ADAM18: variants seen among roughly 807,000 people sequenced by gnomAD.
ADAM18 encodes disintegrin and metalloproteinase domain-containing protein 18.
In ADAM18, 117 loss-of-function variants were observed where a neutral mutation model predicts 94.4. The ratio of observed to expected loss-of-function variants is 1.24; its 90% CI spans 1.07 to 1.45. The LOEUF (loss-of-function observed/expected upper bound fraction) is 1.45, where lower values mean the gene tolerates loss of function less well. Among genes scored for constraint, ADAM18 ranks in the 40% most tolerant of loss-of-function variants. The pLI, the probability that ADAM18 is intolerant of heterozygous loss-of-function variation, is 0.00. For synonymous variants in ADAM18, 327 were observed against 291.6 expected, an observed-to-expected ratio of 1.12 and a Z score of -1.24; for missense variants, 936 against 880.0, an observed-to-expected ratio of 1.06 and a Z score of -0.81.
At chr8:39,695,373 T>C (rs1360527488) in intron 17 of ADAM18, among the ~76,000 whole-genome samples, 2 of 151,590 alleles carry the variant, frequency 1.3e-5, no homozygotes, top group African/African-American at 2.4e-5. Flanking sequence ...ATGAGAGTTC[T>C]TGTGGCTTGA....
intron 12 of ADAM18, among the ~76,000 whole-genome samples, chr8:39,649,320 C>A (rs775409132): frequency 6.6e-5 from 10 of 151,976 alleles, no homozygotes; most frequent in African/African-American, 9.7e-5. Flanking sequence ...TGTGTATATA[C>A]ACACACATAT....
At chr8:39,620,383 A>AT (rs1819579066) in intron 6 of ADAM18, among the ~76,000 whole-genome samples, 1 of 148,056 alleles carries the variant, frequency 6.8e-6, no homozygotes, top group Non-Finnish European at 1.5e-5. Flanking sequence ...AACAAAAAAA[A>AT]ATCACAAAAC....
At chr8:39,698,512 T>G (rs917936259) in intron 17 of ADAM18, among the ~76,000 whole-genome samples, 1 of 152,046 alleles carries the variant, frequency 6.6e-6, no homozygotes, top group Admixed American at 6.6e-5. Flanking sequence ...AATTGCTTGG[T>G]GTGTGAGAAA....
At chr8:39,708,904 G>A (rs575031313) in intron 18 of ADAM18, among the ~76,000 whole-genome samples, 44 of 152,326 alleles carry the variant, frequency 2.9e-4, no homozygotes, top group African/African-American at 7.2e-4. Context: ...CCCTGCGCCC[G>A]CATCTGGAGA....
At chr8:39,653,549 G>A (rs1468525738) in intron 12 of ADAM18, among the ~76,000 whole-genome samples, 2 of 152,164 alleles carry the variant, frequency 1.3e-5, no homozygotes, top group Non-Finnish European at 2.9e-5. Context: ...TCAGAGAGAA[G>A]TTCATGCCAC....
chr8:39,700,092 A>G lies in ADAM18; in HGVS notation c.1903-6698A>G, dbSNP rs909659589. On this transcript the variant is annotated intron_variant, in intron 17 of 19. Coordinates refer to ENST00000265707, the MANE Select transcript of ADAM18 (RefSeq NM_014237.3). ...TTTATGCCACTTTGATAACACTTAA[A>G]TTAACTACAATGTGATTTTTCTTAA... Among the ~76,000 whole-genome samples the G allele has an allele frequency of 3.3e-5, 5 of 152,326 alleles. No homozygotes were observed. In the East Asian group the frequency reaches 7.7e-4, roughly 24 times the overall value.
chr8:39,631,212 TTAA>T (rs1400650031), intron 7 of ADAM18, among the ~76,000 whole-genome samples: 1 of 152,024 alleles, frequency 6.6e-6, no homozygotes, highest in Non-Finnish European at 1.5e-5. Flanking sequence ...TGAACCACAG[TTAA>T]TTTAAGTCCA....
intron 19 of ADAM18, 192 bp downstream of exon 19, chr8:39,724,099 C>T (rs1822836108): frequency 2.5e-6 from 1 of 407,568 alleles, no homozygotes; most frequent in East Asian, 4.2e-5. Flanking sequence ...TCTCAATGTT[C>T]TAGAACTTTT....
intron 6 of ADAM18, among the ~76,000 whole-genome samples, chr8:39,623,652 A>G (rs1819681841): frequency 6.6e-6 from 1 of 152,094 alleles, no homozygotes; most frequent in Non-Finnish European, 1.5e-5. Flanking sequence ...GCTGGAGTGC[A>G]GTGGGGTGAT....
chr8:39,712,452 G>A (rs1346715804), intron 18 of ADAM18, among the ~76,000 whole-genome samples: 1 of 152,152 alleles, frequency 6.6e-6, no homozygotes, highest in African/African-American at 2.4e-5. Context: ...GGGCAATCAG[G>A]CAAGATAAAG....
chr8:39,705,811 C>T (rs757313887), intron 17 of ADAM18, among the ~76,000 whole-genome samples: 107 of 152,048 alleles, frequency 7.0e-4, no homozygotes, highest in Non-Finnish European at 5.3e-4. Flanking sequence ...ACAGGGAATA[C>T]TTACACTACT....
intron 15 of ADAM18, among the ~76,000 whole-genome samples, chr8:39,678,603 T>C (rs149370894): frequency 1.9e-4 from 29 of 152,216 alleles, no homozygotes; most frequent in African/African-American, 6.7e-4. Context: ...TACACCACAG[T>C]GGATCCCAAC....
chr8:39,596,115 C>G (rs922064804), intron 2 of ADAM18, among the ~76,000 whole-genome samples: 2 of 152,128 alleles, frequency 1.3e-5, no homozygotes, highest in African/African-American at 4.8e-5. Context: ...TTCAGCTTAC[C>G]ACTGTCCTTA....
At chr8:39,711,882 A>T (rs1822413552) in intron 18 of ADAM18, among the ~76,000 whole-genome samples, 1 of 152,132 alleles carries the variant, frequency 6.6e-6, no homozygotes, top group African/African-American at 2.4e-5. Context: ...TTAAAATTTT[A>T]TGAAAATCAT....
chr8:39,625,773 A>G (rs1231161575), intron 6 of ADAM18, among the ~76,000 whole-genome samples: 1 of 151,926 alleles, frequency 6.6e-6, no homozygotes, highest in African/African-American at 2.4e-5. Flanking sequence ...TGCTTTTTTC[A>G]GCATCTGTAG....
At chr8:39,605,112 C>A (rs572809811) in intron 2 of ADAM18, among the ~76,000 whole-genome samples, 1 of 152,238 alleles carries the variant, frequency 6.6e-6, no homozygotes, top group Admixed American at 6.5e-5. Flanking sequence ...CTGTGTGCTC[C>A]TTTTTCTTTC....
At chr8:39,650,715 G>A (rs922156719) in intron 12 of ADAM18, among the ~76,000 whole-genome samples, 9 of 152,194 alleles carry the variant, frequency 5.9e-5, no homozygotes, top group Non-Finnish European at 1.2e-4. Flanking sequence ...AGTGGCTAAA[G>A]TGATCTACAT....
At chr8:39,614,110 T>G (rs1276159820) in intron 6 of ADAM18, among the ~76,000 whole-genome samples, 1 of 152,162 alleles carries the variant, frequency 6.6e-6, no homozygotes, top group Non-Finnish European at 1.5e-5. Context: ...ATCATCCAAA[T>G]TTAGGAAATT....
At chr8:39,693,866 A>T (rs1044466813) in intron 17 of ADAM18, among the ~76,000 whole-genome samples, 1 of 151,286 alleles carries the variant, frequency 6.6e-6, no homozygotes, top group African/African-American at 2.4e-5. Context: ...AGTCTAAGCA[A>T]ATTTGCATAG....
Sources: gnomAD v4.1 joint callset for allele counts (sites outside exome capture counted in the v4.1 genomes callset) on GRCh38, gnomAD v4.1.1 for gene constraint, MANE v1.5 for transcripts, NCBI Gene and HGNC (gene_info 2026-07-23, HGNC 2026-07-21) for gene names.